GMDS: variants seen among roughly 807,000 people sequenced by gnomAD.
GMDS encodes the protein GDP-mannose 4,6-dehydratase.
In GMDS, 20 loss-of-function variants were observed where a neutral mutation model predicts 49.9. The ratio of observed to expected loss-of-function variants is 0.40; its 90% CI spans 0.28 to 0.58. The LOEUF is 0.58. Ranked by LOEUF, GMDS falls within the 20% of genes least tolerant of loss-of-function variation. GMDS has a pLI of 0.42. For missense variants in GMDS, 362 were observed against 481.4 expected (o/e 0.75, Z 2.32); for synonymous variants, 177 against 178.6 (o/e 0.99, Z 0.07).
At position 2,072,019 on chromosome 6, in the gene GMDS, G is replaced by C. The variant is rs562197290; in HGVS notation, c.345+43752C>G. Among the ~76,000 whole-genome samples, 22 of 152,274 alleles carry C rather than the reference G, an allele frequency of 1.4e-4. 1 individual carries two copies. Among genetic ancestry groups the C allele is most frequent in the Admixed American group, 9.2e-4 (14 of 15,278 alleles). ...CGTAGAACAATTCTTTATTAGCGAAGAAACCCACATGTGAGTAAGAGGGTT... is the reference window on the plus strand; with the variant it reads ...CGTAGAACAATTCTTTATTAGCGAACAAACCCACATGTGAGTAAGAGGGTT... On this transcript the variant is annotated intron_variant, in intron 4 of 10. Transcript: ENST00000380815.
chr6:1,881,193 G>GA (rs1453530882), intron 7 of GMDS, among the ~76,000 whole-genome samples: 4 of 152,132 alleles, frequency 2.6e-5, no homozygotes, highest in Non-Finnish European at 5.9e-5. Flanking sequence ...AACACAATTA[G>GA]AAAAGCAGCC....
At chr6:1,672,252 A>T (rs1764455546) in intron 9 of GMDS, among the ~76,000 whole-genome samples, 1 of 152,170 alleles carries the variant, frequency 6.6e-6, no homozygotes, top group Non-Finnish European at 1.5e-5. Context: ...AGGCAGCACA[A>T]GTGTCCAAGC....
chr6:1,657,022 C>T (rs1763905243), intron 9 of GMDS, among the ~76,000 whole-genome samples: 1 of 152,184 alleles, frequency 6.6e-6, no homozygotes, highest in Non-Finnish European at 1.5e-5. Flanking sequence ...GCCACTCTGC[C>T]CTGTCCACTT....
At chr6:1,846,596 A>G (rs551842876) in intron 7 of GMDS, among the ~76,000 whole-genome samples, 1 of 152,216 alleles carries the variant, frequency 6.6e-6, no homozygotes, top group Non-Finnish European at 1.5e-5. Flanking sequence ...GGGAACATGG[A>G]AAGAGAAGCT....
intron 1 of GMDS, among the ~76,000 whole-genome samples, chr6:2,173,437 G>A (rs902403627): frequency 1.3e-5 from 2 of 152,200 alleles, no homozygotes; most frequent in Non-Finnish European, 2.9e-5. Flanking sequence ...ATGCTTCCAT[G>A]TTTTTACAGG....
intron 7 of GMDS, among the ~76,000 whole-genome samples, chr6:1,797,906 GCACTTTGATAACAGA>G (rs1020781951): frequency 1.3e-5 from 2 of 152,222 alleles, no homozygotes; most frequent in Non-Finnish European, 2.9e-5. Flanking sequence ...CAAGGCATCT[GCACTTTGATAACAGA>G]CACTTTGATG....
chr6:1,992,569 C>T (rs539029190), intron 4 of GMDS, among the ~76,000 whole-genome samples: 1 of 152,324 alleles, frequency 6.6e-6, no homozygotes, highest in Admixed American at 6.5e-5. Flanking sequence ...TGGCTACCAC[C>T]CCCAACTTTA....
At chr6:1,942,948 G>A (rs544611306) in intron 6 of GMDS, among the ~76,000 whole-genome samples, 1 of 152,166 alleles carries the variant, frequency 6.6e-6, no homozygotes, top group Non-Finnish European at 1.5e-5. Flanking sequence ...CTGCTACCAG[G>A]TACTCTCTTT....
intron 1 of GMDS, among the ~76,000 whole-genome samples, chr6:2,132,882 T>C (rs1431840726): frequency 6.6e-6 from 1 of 152,190 alleles, no homozygotes; most frequent in Non-Finnish European, 1.5e-5. Flanking sequence ...AATAAAGATT[T>C]GTACAGGTGT....
chr6:2,009,053 A>G (rs562727818), intron 4 of GMDS, among the ~76,000 whole-genome samples: 1 of 152,318 alleles, frequency 6.6e-6, no homozygotes, highest in Admixed American at 6.5e-5. Context: ...TAACAATCCA[A>G]TGAGCTAGGT....
chr6:1,639,813 G>A (rs1002677264), intron 9 of GMDS, among the ~76,000 whole-genome samples: 1 of 152,208 alleles, frequency 6.6e-6, no homozygotes, highest in Non-Finnish European at 1.5e-5. Context: ...GGGAGACAGA[G>A]GCTGCAGTGA....
intron 4 of GMDS, among the ~76,000 whole-genome samples, chr6:1,992,122 C>T (rs1561953566): frequency 6.6e-6 from 1 of 152,176 alleles, no homozygotes; most frequent in African/African-American, 2.4e-5. Context: ...GTGTGTGGGC[C>T]TTTGTTAGGG....
intron 7 of GMDS, among the ~76,000 whole-genome samples, chr6:1,857,014 T>C (rs903718119): frequency 2.6e-5 from 4 of 152,206 alleles, no homozygotes; most frequent in Admixed American, 2.6e-4. Context: ...CATAGAGTTG[T>C]CCCACATGCG....
intron 4 of GMDS, among the ~76,000 whole-genome samples, chr6:2,099,122 T>C (rs1773779755): frequency 6.6e-6 from 1 of 152,160 alleles, no homozygotes; most frequent in Non-Finnish European, 1.5e-5. Flanking sequence ...CCACTATTTT[T>C]ACATTATAAA....
intron 4 of GMDS, among the ~76,000 whole-genome samples, chr6:2,051,735 T>C (rs2127437461): frequency 6.6e-6 from 1 of 152,312 alleles, no homozygotes; most frequent in African/African-American, 2.4e-5. Context: ...TCTAAGCATA[T>C]ATTAAACCAC....
intron 4 of GMDS, among the ~76,000 whole-genome samples, chr6:1,962,377 G>A (rs1363872798): frequency 6.6e-6 from 1 of 152,100 alleles, no homozygotes; most frequent in African/African-American, 2.4e-5. Context: ...GGCTTCCTTC[G>A]CTTACCATGT....
chr6:1,936,459 G>A (rs147183765), intron 6 of GMDS, among the ~76,000 whole-genome samples: 4 of 152,264 alleles, frequency 2.6e-5, no homozygotes, highest in African/African-American at 4.8e-5. Context: ...CACCTCCTCT[G>A]TGGCCACAAG....
chr6:1,732,207 G>T (rs1986205), intron 8 of GMDS, among the ~76,000 whole-genome samples: 3 of 151,896 alleles, frequency 2.0e-5, no homozygotes, highest in African/African-American at 7.3e-5. Context: ...GGCACCTGTA[G>T]TCCCAGCTAC....
At chr6:2,189,757 T>C (rs1188793537) in intron 1 of GMDS, among the ~76,000 whole-genome samples, 3 of 152,228 alleles carry the variant, frequency 2.0e-5, no homozygotes, top group Non-Finnish European at 4.4e-5. Context: ...TCAGTCTGTA[T>C]TCTACCCGTT....
Sources: allele counts gnomAD v4.1 joint callset (sites outside exome capture counted in the v4.1 genomes callset), GRCh38; gene constraint gnomAD v4.1.1; transcripts MANE v1.5; gene names NCBI Gene and HGNC (gene_info 2026-07-23, HGNC 2026-07-21).